The following INTS4 variants were observed in gnomAD, a reference collection of about 807,000 sequenced individuals.
INTS4 encodes MSTP093.
INTS4 carries 70 observed loss-of-function variants against 119.5 expected under a neutral mutation model. The observed-to-expected ratio is 0.59, with a 90% CI of 0.48 to 0.71. INTS4 has a LOEUF of 0.71. Among genes scored for constraint, INTS4 ranks in the 30% least tolerant of loss-of-function variants. The pLI is 0.00. For missense variants in INTS4, 867 were observed against 1,173.2 expected, an observed-to-expected ratio of 0.74 and a Z score of 3.81; for synonymous variants, 316 against 419.6, an observed-to-expected ratio of 0.75 and a Z score of 3.02.
At chr11:77,976,137 GTA>G (rs1374570191) in intron 4 of INTS4, among the ~76,000 whole-genome samples, 1 of 152,026 alleles carries the variant, frequency 6.6e-6, no homozygotes, top group Non-Finnish European at 1.5e-5. Flanking sequence ...TAAAAATGAA[GTA>G]TCATTTTCCA....
intron 16 of INTS4, among the ~76,000 whole-genome samples, chr11:77,903,911 C>T (rs1399274302): frequency 1.3e-5 from 2 of 152,160 alleles, no homozygotes; most frequent in Non-Finnish European, 2.9e-5. Flanking sequence ...CACCAGAATG[C>T]GCAGGCAAGC....
intron 2 of INTS4, 128 bp from the exon 3 acceptor site, chr11:77,981,704 A>C (rs2136645807): frequency 2.4e-6 from 1 of 422,266 alleles, no homozygotes; most frequent in South Asian, 8.4e-5. Flanking sequence ...ATTTCTGAAA[A>C]ATTAATTTTA....
chr11:77,980,929 C>A (rs189581642), intron 3 of INTS4, among the ~76,000 whole-genome samples: 2,108 of 150,360 alleles, frequency 0.014, 25 homozygotes, highest in Non-Finnish European at 0.022. Context: ...GGAGGCAGAG[C>A]TTGCAGTGAG....
At chr11:77,896,698 A>C (rs1193170021) in intron 18 of INTS4, among the ~76,000 whole-genome samples, 1 of 151,904 alleles carries the variant, frequency 6.6e-6, no homozygotes, top group Admixed American at 6.6e-5. Context: ...GAATAGAAAA[A>C]CAAAGAAATT....
At position 77,907,756 on chromosome 11, in the gene INTS4, G is replaced by C; in HGVS notation, c.1977C>G (p.Phe659Leu). 3 of 1,613,918 alleles carry C rather than the reference G, an allele frequency of 1.9e-6. No homozygotes were observed. The highest frequency in any genetic ancestry group is 2.5e-6 in the Non-Finnish European group (3 of 1,179,890). The part of the protein sequence containing the change: ...LQSELAGVAD[F>L]SATYLRCQLL... ...GTTGACAGCGAAGATAGGTGGCAGAGAAATCAGCTACTCCTGCCAATTCAG... is the reference window on the plus strand; with the variant it reads ...GTTGACAGCGAAGATAGGTGGCAGACAAATCAGCTACTCCTGCCAATTCAG... The change falls in exon 16 of 23, where the codon TTC becomes TTG. Residue 659 changes from phenylalanine (F) to leucine (L), a missense_variant. Physicochemically the swap from Phe to Leu is conservative, Grantham distance 22. Transcript: ENST00000534064.
chr11:77,881,012 G>C (rs1951771710), intron 22 of INTS4, among the ~76,000 whole-genome samples: 1 of 152,148 alleles, frequency 6.6e-6, no homozygotes, highest in Non-Finnish European at 1.5e-5. Context: ...CAGCCCTACA[G>C]GGTCATTTTG....
chr11:77,946,448 T>C (rs568194999), intron 8 of INTS4, among the ~76,000 whole-genome samples: 1 of 152,242 alleles, frequency 6.6e-6, no homozygotes, highest in East Asian at 1.9e-4. Flanking sequence ...CAAGGAAACA[T>C]GACACCCTCA....
Position 77,958,733 on chromosome 11 carries a change from C to A in INTS4, c.797+13G>T. The stretch of plus-strand genomic sequence containing the variant: ...TTCACAATCAACAAAAGCCAGCTTA[C>A]ACCCACACTGACCTTTCAGGATAGA... On this transcript the variant is annotated intron_variant, in intron 7 of 22. Coordinates refer to ENST00000534064, the MANE Select transcript of INTS4 (RefSeq NM_033547.4). 3.2e-6 allele frequency: 5 copies of A among 1,561,866 alleles called. No homozygotes were observed. The highest frequency in any genetic ancestry group is 4.4e-6 in the Non-Finnish European group (5 of 1,134,968).
intron 10 of INTS4, 88 bp downstream of exon 10, chr11:77,938,563 G>T: frequency 6.6e-7 from 1 of 1,506,426 alleles, no homozygotes; most frequent in Non-Finnish European, 8.9e-7. Flanking sequence ...AGGACTAAAT[G>T]AAACGATACA....
intron 8 of INTS4, among the ~76,000 whole-genome samples, chr11:77,950,008 G>T (rs1343976701): frequency 6.6e-6 from 1 of 152,042 alleles, no homozygotes. Flanking sequence ...AAAATGTGGC[G>T]CATATACACC....
chr11:77,906,838 T>G (rs1952966948), intron 16 of INTS4, among the ~76,000 whole-genome samples: 1 of 152,218 alleles, frequency 6.6e-6, no homozygotes, highest in African/African-American at 2.4e-5. Flanking sequence ...AGGGCCAAGA[T>G]AAAAGTTCGT....
chr11:77,963,321 T>C (rs1328237852), intron 4 of INTS4: 1 of 369,382 alleles, frequency 2.7e-6, no homozygotes, highest in Non-Finnish European at 5.1e-6. Context: ...AGAACTGCTT[T>C]TCTGGCCGGG....
chr11:77,942,562 C>G (rs574186589), intron 8 of INTS4, among the ~76,000 whole-genome samples: 1 of 152,256 alleles, frequency 6.6e-6, no homozygotes, highest in South Asian at 2.1e-4. Context: ...ATCCCATATA[C>G]CTCTCATCCC....
intron 11 of INTS4, among the ~76,000 whole-genome samples, chr11:77,926,854 G>C (rs557640512): frequency 5.2e-4 from 78 of 150,370 alleles, no homozygotes; most frequent in African/African-American, 1.9e-3. Context: ...AAAAAGGAAA[G>C]GAAAGGAAAA....
At chr11:77,977,089 A>C (rs1318374374) in intron 4 of INTS4, among the ~76,000 whole-genome samples, 1 of 152,148 alleles carries the variant, frequency 6.6e-6, no homozygotes, top group Non-Finnish European at 1.5e-5. Context: ...AAAAGAAATA[A>C]AAAGAATAAA....
chr11:77,883,873 C>T lies in INTS4; in HGVS notation c.2672G>A (p.Arg891Gln), dbSNP rs745824061. The change falls in exon 22 of 23, where the codon CGG becomes CAG. Residue 891 changes from arginine (R) to glutamine (Q), a missense_variant. Arg to Gln is a conservative substitution (Grantham distance 43, BLOSUM62 1). Coordinates refer to ENST00000534064, the MANE Select transcript of INTS4 (RefSeq NM_033547.4). ...DFRNPGPGRH[R>Q]LITQVYLSHT... ...GGAGAGATAAACCTGAGTGATGAGC[C>T]GGTGCCGCCCTGGGCCAGGATTCCG... The T allele has an allele frequency of 3.3e-5, 54 of 1,612,572 alleles. No homozygotes were observed. The highest frequency in any genetic ancestry group is 7.7e-5 in the South Asian group (7 of 90,738).
Position 77,921,405 on chromosome 11 carries a change from C to A in INTS4, c.1699G>T (p.Asp567Tyr). The change falls in exon 14 of 23, where the codon GAT becomes TAT. Residue 567 changes from aspartate (D) to tyrosine (Y), a missense_variant. Asp to Tyr is a radical substitution (Grantham distance 160, BLOSUM62 -3). Around this residue, in one of 5 missense-constraint regions of INTS4, gnomAD observed 262 missense variants for 376.0 expected, o/e 0.70. Coordinates refer to ENST00000534064, the MANE Select transcript of INTS4 (RefSeq NM_033547.4). Reference protein sequence around the residue: ...TCPTMPALFSDHTFRHYAYLR... With the variant: ...TCPTMPALFSYHTFRHYAYLR... ...TAGGCATAGTGCCTGAAGGTGTGATCTGAGAACAATGCTGGCATTGTTGGA... is the reference window on the plus strand; with the variant it reads ...TAGGCATAGTGCCTGAAGGTGTGATATGAGAACAATGCTGGCATTGTTGGA... 3 of 1,612,410 alleles carry A rather than the reference C, an allele frequency of 1.9e-6. No homozygotes were observed. The highest frequency in any genetic ancestry group is 2.5e-6 in the Non-Finnish European group (3 of 1,178,496).
At chr11:77,961,281 G>A (rs1046389552) in intron 4 of INTS4, 143 bp from the exon 5 acceptor site, 82 of 1,135,264 alleles carry the variant, frequency 7.2e-5, no homozygotes, top group Non-Finnish European at 9.1e-5. Flanking sequence ...TCTTAGGACA[G>A]TCTGTCTAGC....
chr11:77,890,657 C>T (rs1343703945), intron 21 of INTS4, among the ~76,000 whole-genome samples: 1 of 152,236 alleles, frequency 6.6e-6, no homozygotes, highest in Admixed American at 6.5e-5. Context: ...GTGCACACCC[C>T]GAGAGGAAGA....
Sources: allele counts gnomAD v4.1 joint callset (sites outside exome capture counted in the v4.1 genomes callset), GRCh38; gene constraint gnomAD v4.1.1; regional missense constraint gnomAD v4.1.1; transcripts MANE v1.5; gene names NCBI Gene and HGNC (gene_info 2026-07-23, HGNC 2026-07-21).